Variants in BRINP1 observed in about 807,000 individuals in gnomAD.
BRINP1 encodes BMP/retinoic acid-inducible neural-specific protein 1.
In BRINP1, 17 loss-of-function variants were observed where a neutral mutation model predicts 72.9. That is an observed-to-expected ratio of 0.23 (90% CI 0.16 to 0.35). The LOEUF (loss-of-function observed/expected upper bound fraction) is 0.35. BRINP1 is among the 10% of genes least tolerant of loss of function. The pLI is 1.00. For missense variants in BRINP1, 850 were observed against 1,001.6 expected, an observed-to-expected ratio of 0.85 and a Z score of 2.04; for synonymous variants, 418 against 378.5, an observed-to-expected ratio of 1.10 and a Z score of -1.21.
rs117012974 is a variant in BRINP1, at chr9:119,369,203, C to T, written c.-198G>A. ...GTGGGGGTACCTGGCTCCTAGCAGC[C>T]TGGCTCATACTCAGCCGTAAAGTCC... On this transcript the variant is annotated 5_prime_UTR_variant, in exon 1 of 8. Transcript: ENST00000265922. The T allele has an allele frequency of 5.0e-4, 198 of 398,728 alleles. No individual in the cohort carries two copies. The East Asian group carries it at 6.0e-3, about 12-fold the overall frequency. 24.7% of individuals were successfully genotyped at this position (398,728 alleles called of 1,614,324 possible).
At chr9:119,298,419 A>G (rs536173099) in intron 2 of BRINP1, among the ~76,000 whole-genome samples, 7 of 152,322 alleles carry the variant, frequency 4.6e-5, no homozygotes, top group African/African-American at 1.7e-4. Flanking sequence ...AAGATCTAAT[A>G]TAGAATGAAA....
intron 2 of BRINP1, among the ~76,000 whole-genome samples, chr9:119,266,981 G>A (rs948526871): frequency 7.9e-5 from 12 of 152,144 alleles, no homozygotes; most frequent in Non-Finnish European, 1.3e-4. Context: ...TGAAGGCAGG[G>A]GAGGACAAAA....
chr9:119,336,841 GAA>G (rs1400589357), intron 1 of BRINP1, among the ~76,000 whole-genome samples: 1 of 152,076 alleles, frequency 6.6e-6, no homozygotes, highest in Admixed American at 6.5e-5. Context: ...AAAAAAAAGA[GAA>G]AATATGAGAA....
chr9:119,216,792 C>A (rs1829982537), intron 5 of BRINP1, among the ~76,000 whole-genome samples: 1 of 152,128 alleles, frequency 6.6e-6, no homozygotes, highest in African/African-American at 2.4e-5. Context: ...TTGGGGAGAG[C>A]ATTTATAGAA....
chr9:119,274,504 G>A (rs1564235493), intron 2 of BRINP1, among the ~76,000 whole-genome samples: 1 of 152,118 alleles, frequency 6.6e-6, no homozygotes, highest in Non-Finnish European at 1.5e-5. Context: ...CATTTCATTG[G>A]ACTAAGCCCC....
intron 5 of BRINP1, among the ~76,000 whole-genome samples, chr9:119,237,030 G>A (rs964761322): frequency 4.6e-5 from 7 of 152,010 alleles, no homozygotes; most frequent in Admixed American, 2.0e-4. Flanking sequence ...CTTCTGTAAC[G>A]GGAGCATGAA....
chr9:119,322,921 C>T (rs1029672846), intron 1 of BRINP1, among the ~76,000 whole-genome samples: 1 of 152,178 alleles, frequency 6.6e-6, no homozygotes, highest in Non-Finnish European at 1.5e-5. Context: ...AACTATTTGT[C>T]TTAGTTTCAA....
At chr9:119,225,927 G>A (rs1830086991) in intron 5 of BRINP1, among the ~76,000 whole-genome samples, 1 of 151,924 alleles carries the variant, frequency 6.6e-6, no homozygotes. Flanking sequence ...AAATCGATTC[G>A]ACAGTTCAAA....
At chr9:119,292,538 G>A (rs1020620503) in intron 2 of BRINP1, among the ~76,000 whole-genome samples, 1 of 152,200 alleles carries the variant, frequency 6.6e-6, no homozygotes, top group South Asian at 2.1e-4. Context: ...ATATGTAAAC[G>A]AATGAATGAA....
intron 6 of BRINP1, among the ~76,000 whole-genome samples, chr9:119,210,435 T>G (rs968137558): frequency 6.6e-6 from 1 of 152,186 alleles, no homozygotes; most frequent in African/African-American, 2.4e-5. Context: ...TCACCTAACA[T>G]ATATAACCAT....
chr9:119,340,945 T>A (rs1429961210), intron 1 of BRINP1, among the ~76,000 whole-genome samples: 2 of 152,160 alleles, frequency 1.3e-5, no homozygotes, highest in Non-Finnish European at 2.9e-5. Context: ...GAGGGAGACA[T>A]GACCCTGGAC....
At chr9:119,206,124 A>G (rs1564216754) in intron 7 of BRINP1, among the ~76,000 whole-genome samples, 1 of 152,078 alleles carries the variant, frequency 6.6e-6, no homozygotes, top group East Asian at 1.9e-4. Context: ...CTCTTAAGAG[A>G]GGATATTAGC....
intron 7 of BRINP1, among the ~76,000 whole-genome samples, chr9:119,177,615 G>A (rs1167005081): frequency 2.6e-5 from 4 of 152,094 alleles, no homozygotes; most frequent in African/African-American, 9.7e-5. Flanking sequence ...CCTTTCTCGT[G>A]TCTCATCATT....
In BRINP1 at chr9:119,208,842, C is replaced by T. The variant is rs760905731; in HGVS notation, c.1022G>A (p.Arg341His). Residue 341 changes from arginine to histidine, a missense_variant, in exon 7 of 8, where the codon CGC becomes CAC. Arg to His is a conservative substitution (Grantham distance 29). Coordinates refer to ENST00000265922, the MANE Select transcript of BRINP1 (RefSeq NM_014618.3). Reference sequence around the variant, plus strand: ...CGTGGCACTCTGCAGGAGCTTGTAGCGGTTCTGCAGGTCCCAGTCATTGCC... The same window carrying T: ...CGTGGCACTCTGCAGGAGCTTGTAGTGGTTCTGCAGGTCCCAGTCATTGCC... ...HWGNDWDLQN[R>H]YKLLQSATEA... 9 of 1,614,098 alleles carry T rather than the reference C, an allele frequency of 5.6e-6. No homozygotes were observed. The highest frequency in any genetic ancestry group is 3.3e-5 in the South Asian group (3 of 91,082).
intron 2 of BRINP1, among the ~76,000 whole-genome samples, chr9:119,276,006 T>C (rs1830653892): frequency 1.3e-5 from 2 of 152,148 alleles, no homozygotes; most frequent in Non-Finnish European, 2.9e-5. Flanking sequence ...TTCTTTTCAC[T>C]TTCCCTTTTT....
At chr9:119,177,546 C>A (rs1417999591) in intron 7 of BRINP1, among the ~76,000 whole-genome samples, 2 of 152,104 alleles carry the variant, frequency 1.3e-5, no homozygotes, top group Non-Finnish European at 2.9e-5. Flanking sequence ...AGGACAGTAC[C>A]CCATTTAGAG....
chr9:119,307,885 G>A (rs1248363034), intron 2 of BRINP1, among the ~76,000 whole-genome samples: 6 of 152,170 alleles, frequency 3.9e-5, no homozygotes, highest in African/African-American at 1.4e-4. Context: ...TCATTTGGGA[G>A]GCAGCTGGGC....
chr9:119,243,982 TA>T (rs1269906298), intron 3 of BRINP1, among the ~76,000 whole-genome samples: 1 of 152,218 alleles, frequency 6.6e-6, no homozygotes, highest in Non-Finnish European at 1.5e-5. Flanking sequence ...ACTCCAGCTA[TA>T]ACTTTTGCTG....
chr9:119,299,976 T>G (rs1011808946), intron 2 of BRINP1, among the ~76,000 whole-genome samples: 2 of 152,222 alleles, frequency 1.3e-5, no homozygotes, highest in African/African-American at 2.4e-5. Flanking sequence ...TCTAAAATTC[T>G]TTAGATTTCC....
Sources: gnomAD v4.1 joint callset for allele counts (sites outside exome capture counted in the v4.1 genomes callset) on GRCh38, gnomAD v4.1.1 for gene constraint, MANE v1.5 for transcripts, NCBI Gene and HGNC (gene_info 2026-07-23, HGNC 2026-07-21) for gene names.